DISP1: variants seen among roughly 807,000 people sequenced by gnomAD.
DISP1 encodes the protein protein dispatched homolog 1.
In DISP1, 30 loss-of-function variants were observed where a neutral mutation model predicts 37.3. The ratio of observed to expected loss-of-function variants is 0.80; its 90% CI spans 0.60 to 1.09. The LOEUF (loss-of-function observed/expected upper bound fraction) is 1.09, where lower values mean the gene tolerates loss of function less well. DISP1 is among the 50% of genes least tolerant of loss of function. The pLI, the probability that DISP1 is intolerant of heterozygous loss-of-function variation, is 0.00. For synonymous variants in DISP1, 634 were observed against 690.2 expected (o/e 0.92, Z 1.28); for missense variants, 1,598 against 1,879.5 (o/e 0.85, Z 2.77).
intron 1 of DISP1, among the ~76,000 whole-genome samples, chr1:222,817,261 AT>A (rs1298721425): frequency 6.6e-6 from 1 of 152,208 alleles, no homozygotes; most frequent in Non-Finnish European, 1.5e-5. Flanking sequence ...ACTGCTGGCT[AT>A]TTTATAGATT....
intron 3 of DISP1, among the ~76,000 whole-genome samples, chr1:222,978,013 T>C (rs1271402015): frequency 2.6e-5 from 4 of 152,136 alleles, no homozygotes; most frequent in Non-Finnish European, 5.9e-5. Flanking sequence ...CATGTGTCTT[T>C]ATAGCAGCAT....
chr1:222,995,613 A>G (rs1384830173), intron 8 of DISP1, among the ~76,000 whole-genome samples: 3 of 152,192 alleles, frequency 2.0e-5, no homozygotes, highest in African/African-American at 7.2e-5. Context: ...AGCCAAAAAC[A>G]TGTCCGCATC....
At chr1:222,987,834 A>C (rs1678388660) in intron 4 of DISP1, among the ~76,000 whole-genome samples, 1 of 152,184 alleles carries the variant, frequency 6.6e-6, no homozygotes, top group Admixed American at 6.5e-5. Flanking sequence ...GCCTGGGGCC[A>C]TTTTCATTTC....
intron 1 of DISP1, among the ~76,000 whole-genome samples, chr1:222,925,039 C>A (rs1046686581): frequency 6.6e-6 from 1 of 152,164 alleles, no homozygotes; most frequent in Admixed American, 6.6e-5. Context: ...TAGTACTTTT[C>A]TTTTCACTCT....
chr1:222,931,563 T>C (rs1040322630), intron 2 of DISP1, among the ~76,000 whole-genome samples: 1 of 151,982 alleles, frequency 6.6e-6, no homozygotes, highest in African/African-American at 2.4e-5. Context: ...TCCTGTTTAT[T>C]AACAAACCAT....
rs369654102 is a variant in DISP1, at chr1:222,984,435, TAGAGAG to T, written c.539+1345_539+1350del. Reference sequence around the variant, plus strand: ...AAAAAAAAAAAAATATATATATATATAGAGAGAGAGAGAGAGAGAGAGAGCGTACTC... The same window carrying T: ...AAAAAAAAAAAAATATATATATATATAGAGAGAGAGAGAGAGAGCGTACTC... On this transcript the variant is annotated intron_variant, in intron 4 of 8. Coordinates refer to ENST00000675850, the MANE Select transcript of DISP1 (RefSeq NM_001377229.1). Among the ~76,000 whole-genome samples the T allele has an allele frequency of 3.1e-3, 339 of 108,356 alleles. 12 individuals carry two copies. Among genetic ancestry groups the T allele is most frequent in the African/African-American group, 0.012 (307 of 26,408 alleles). 71.1% of individuals were successfully genotyped at this position (108,356 alleles called of 152,430 possible).
intron 3 of DISP1, among the ~76,000 whole-genome samples, chr1:222,971,148 A>G (rs34620158): frequency 0.59 from 88,974 of 151,808 alleles, 28,038 homozygotes; most frequent in East Asian, 0.75. Context: ...AGCTTTTGAC[A>G]ATGATTTGAG....
intron 2 of DISP1, among the ~76,000 whole-genome samples, chr1:222,935,154 T>A (rs1673642770): frequency 6.6e-6 from 1 of 152,156 alleles, no homozygotes; most frequent in South Asian, 2.1e-4. Context: ...ATGTACTGTA[T>A]CAAATCTTTA....
intron 1 of DISP1, among the ~76,000 whole-genome samples, chr1:222,877,362 C>T (rs1238982566): frequency 1.3e-5 from 2 of 151,864 alleles, no homozygotes; most frequent in Non-Finnish European, 2.9e-5. Context: ...TGGCGGCAGG[C>T]AAAGAGAGAG....
intron 1 of DISP1, among the ~76,000 whole-genome samples, chr1:222,898,263 C>T (rs1276459100): frequency 1.3e-5 from 2 of 152,066 alleles, no homozygotes; most frequent in Admixed American, 6.5e-5. Context: ...ATGTCTTTTT[C>T]AGAAGTGGTA....
chr1:222,917,562 T>C (rs1476610957), intron 1 of DISP1, among the ~76,000 whole-genome samples: 1 of 152,248 alleles, frequency 6.6e-6, no homozygotes, highest in African/African-American at 2.4e-5. Flanking sequence ...ATTTCTTTTC[T>C]CTTTTCTGTT....
intron 1 of DISP1, among the ~76,000 whole-genome samples, chr1:222,923,783 G>T (rs1394469816): frequency 1.3e-5 from 2 of 152,074 alleles, no homozygotes; most frequent in African/African-American, 4.8e-5. Flanking sequence ...CTTGTCTGGT[G>T]ACTTTTTTCG....
At chr1:222,926,915 C>T (rs1022158838) in intron 1 of DISP1, among the ~76,000 whole-genome samples, 6 of 152,198 alleles carry the variant, frequency 3.9e-5, no homozygotes, top group African/African-American at 7.2e-5. Flanking sequence ...CGTTTTTCAC[C>T]GCTCTGCCAA....
At chr1:222,843,724 C>A (rs1667738197) in intron 1 of DISP1, among the ~76,000 whole-genome samples, 1 of 151,964 alleles carries the variant, frequency 6.6e-6, no homozygotes, top group African/African-American at 2.4e-5. Context: ...AGTATTAAAT[C>A]ACAATAGCAA....
At chr1:222,857,262 A>G (rs1668607203) in intron 1 of DISP1, among the ~76,000 whole-genome samples, 2 of 152,174 alleles carry the variant, frequency 1.3e-5, no homozygotes, top group African/African-American at 4.8e-5. Context: ...GTGAGACTAC[A>G]TATCTAAAAA....
intron 1 of DISP1, among the ~76,000 whole-genome samples, chr1:222,917,385 T>C (rs540583406): frequency 1.3e-5 from 2 of 152,166 alleles, no homozygotes; most frequent in African/African-American, 2.4e-5. Flanking sequence ...TAGGGTCCTA[T>C]AGGGACTTGA....
chr1:222,819,101 T>C (rs1330024493), intron 1 of DISP1, among the ~76,000 whole-genome samples: 1 of 152,180 alleles, frequency 6.6e-6, no homozygotes. Flanking sequence ...TGTCTCATGA[T>C]AGAGTTCTCA....
chr1:222,948,910 T>A (rs541047268), intron 3 of DISP1, among the ~76,000 whole-genome samples: 1 of 152,336 alleles, frequency 6.6e-6, no homozygotes, highest in East Asian at 1.9e-4. Flanking sequence ...ATAGAGAATG[T>A]TTTAAAGAAT....
chr1:222,862,790 C>T (rs1668954675), intron 1 of DISP1, among the ~76,000 whole-genome samples: 1 of 152,152 alleles, frequency 6.6e-6, no homozygotes, highest in African/African-American at 2.4e-5. Flanking sequence ...CCTTGGCCTC[C>T]CAAATTGCAG....
Sources: allele counts gnomAD v4.1 joint callset (sites outside exome capture counted in the v4.1 genomes callset), GRCh38; gene constraint gnomAD v4.1.1; transcripts MANE v1.5; gene names NCBI Gene and HGNC (gene_info 2026-07-23, HGNC 2026-07-21).